The following MCF2L2 variants were observed in gnomAD, a reference collection of about 807,000 sequenced individuals.
The protein encoded by MCF2L2 is probable guanine nucleotide exchange factor MCF2L2.
Under a neutral mutation model 150.2 loss-of-function variants are expected in MCF2L2, and 102 were observed. The ratio of observed to expected loss-of-function variants is 0.68; its 90% CI spans 0.58 to 0.80. The LOEUF is 0.80. MCF2L2 is among the 30% of genes least tolerant of loss of function. The pLI, the probability that MCF2L2 is intolerant of heterozygous loss-of-function variation, is 0.00. For missense variants in MCF2L2, 1,256 were observed against 1,372.8 expected (o/e 0.91, Z 1.34); for synonymous variants, 465 against 491.3 (o/e 0.95, Z 0.71).
Position 183,341,624 on chromosome 3 carries a change from C to G in MCF2L2, c.282G>C (p.Glu94Asp), listed in dbSNP as rs1223005909. Residue 94 changes from glutamate to aspartate, a missense_variant, in exon 4 of 30, where the codon GAG (glutamate) becomes GAC (aspartate). Glu to Asp is a conservative substitution (Grantham distance 45). Transcript: ENST00000328913. ...CAACAATGAATCCAATGCTGGCAGC[C>G]TCCACACTGCAAAGAAGGGTGGTCA... ...MTYLTSIPSVEAASIGFIVVI... is the reference protein window; with the variant it reads ...MTYLTSIPSVDAASIGFIVVI... 1 of 1,613,348 alleles carries G rather than the reference C, an allele frequency of 6.2e-7. No individual in the cohort carries two copies. Among genetic ancestry groups the G allele is most frequent in the East Asian group, 2.2e-5 (1 of 44,876 alleles).
intron 12 of MCF2L2, chr3:183,296,636 T>C (rs1728520382): frequency 5.0e-6 from 1 of 200,660 alleles, no homozygotes; most frequent in Non-Finnish European, 1.0e-5. Flanking sequence ...ATTATTTTGT[T>C]AATGTCAGCC....
intron 1 of MCF2L2, among the ~76,000 whole-genome samples, chr3:183,415,932 T>C (rs1715564244): frequency 6.6e-6 from 1 of 152,144 alleles, no homozygotes; most frequent in Non-Finnish European, 1.5e-5. Flanking sequence ...GTTTTCTCTA[T>C]ATCTCATATT....
chr3:183,287,847 C>G (rs1727883393), intron 14 of MCF2L2: 1 of 152,224 alleles, frequency 6.6e-6, no homozygotes, highest in Admixed American at 6.5e-5. Context: ...CTAAAACTCA[C>G]TTTCTTCCGG....
chr3:183,301,943 T>C (rs1728870660), intron 10 of MCF2L2, among the ~76,000 whole-genome samples: 1 of 152,206 alleles, frequency 6.6e-6, no homozygotes, highest in South Asian at 2.1e-4. Context: ...TCATGATCCC[T>C]GAACTGTTTG....
chr3:183,352,454 C>G (rs1179743074), intron 3 of MCF2L2, among the ~76,000 whole-genome samples: 2 of 152,194 alleles, frequency 1.3e-5, no homozygotes, highest in African/African-American at 4.8e-5. Flanking sequence ...ACCCCAGAGG[C>G]AGAGGTTGCA....
At chr3:183,414,841 AT>A (rs1715505563) in intron 1 of MCF2L2, among the ~76,000 whole-genome samples, 1 of 152,106 alleles carries the variant, frequency 6.6e-6, no homozygotes, top group Non-Finnish European at 1.5e-5. Flanking sequence ...TAACTTTCAC[AT>A]TTTTGTGAAT....
At chr3:183,330,573 T>C (rs939111610) in intron 5 of MCF2L2, among the ~76,000 whole-genome samples, 1 of 152,120 alleles carries the variant, frequency 6.6e-6, no homozygotes, top group African/African-American at 2.4e-5. Context: ...TGTATCTTTA[T>C]TGTGGTGACT....
At chr3:183,409,101 T>C (rs1055303496) in intron 1 of MCF2L2, among the ~76,000 whole-genome samples, 6 of 152,258 alleles carry the variant, frequency 3.9e-5, no homozygotes, top group Admixed American at 1.3e-4. Context: ...TATTTCTGCA[T>C]GTTTAAAGAC....
intron 1 of MCF2L2, among the ~76,000 whole-genome samples, chr3:183,399,528 T>C (rs1388595306): frequency 6.6e-6 from 1 of 152,270 alleles, no homozygotes; most frequent in Non-Finnish European, 1.5e-5. Context: ...TGAGAACATC[T>C]GTCCTGCTGG....
At chr3:183,334,276 G>C (rs555036127) in intron 5 of MCF2L2, among the ~76,000 whole-genome samples, 1 of 152,318 alleles carries the variant, frequency 6.6e-6, no homozygotes, top group Admixed American at 6.5e-5. Flanking sequence ...ATACTAAAGA[G>C]AGATTGGACT....
At chr3:183,315,938 G>T (rs538251153) in intron 7 of MCF2L2, among the ~76,000 whole-genome samples, 2 of 152,222 alleles carry the variant, frequency 1.3e-5, no homozygotes, top group Admixed American at 1.3e-4. Context: ...TCTGCTCTTC[G>T]ACCTCTCCAC....
chr3:183,409,653 CAA>C (rs1715223974), intron 1 of MCF2L2, among the ~76,000 whole-genome samples: 1 of 147,614 alleles, frequency 6.8e-6, no homozygotes. Context: ...TTCCTGGGTT[CAA>C]GTGATTCTCC....
intron 3 of MCF2L2, among the ~76,000 whole-genome samples, chr3:183,356,633 T>C (rs547606445): frequency 6.6e-6 from 1 of 152,308 alleles, no homozygotes; most frequent in Admixed American, 6.5e-5. Flanking sequence ...TTTCCTCCCA[T>C]TCAAGTGCAA....
At chr3:183,195,373 A>C in intron 25 of MCF2L2, 118 bp from the exon 26 acceptor site, 1 of 683,058 alleles carries the variant, frequency 1.5e-6, no homozygotes, top group Non-Finnish European at 2.5e-6. Flanking sequence ...AAAATATATA[A>C]AGGTGTGTAG....
At chr3:183,395,699 A>G (rs1469985217) in intron 1 of MCF2L2, among the ~76,000 whole-genome samples, 1 of 152,070 alleles carries the variant, frequency 6.6e-6, no homozygotes, top group East Asian at 1.9e-4. Flanking sequence ...TGGGAGGATC[A>G]CCTGAGGTCA....
At position 183,179,926 on chromosome 3, in the gene MCF2L2, A is replaced by T. The variant is rs1222188676; in HGVS notation, c.3105+145T>A. The T allele has an allele frequency of 5.2e-6, 4 of 770,262 alleles. No homozygotes were observed. Among genetic ancestry groups the T allele is most frequent in the Non-Finnish European group, 8.9e-6 (4 of 448,952 alleles). 47.7% of individuals were successfully genotyped at this position (770,262 alleles called of 1,614,324 possible). A position where few individuals can be genotyped will look rare whatever the true frequency, so the allele number is the denominator to read the frequency against. On this transcript the variant is annotated intron_variant, in intron 28 of 29. Transcript: ENST00000328913. The surrounding 1 kb of genome is among the most constrained non-coding windows in gnomAD (Gnocchi z 4.2). ...TCAGAGCCAGTTTGAGGGTCTGGTG[A>T]CCTCGGCTCCCTGGCTTAACCAGGT...
chr3:183,387,930 T>TA (rs1262493089), intron 2 of MCF2L2, among the ~76,000 whole-genome samples: 1 of 43,806 alleles, frequency 2.3e-5, no homozygotes, highest in African/African-American at 7.5e-5. Flanking sequence ...AGACTCCATC[T>TA]CAAAAAAAAA....
chr3:183,365,892 A>T (rs553163142), intron 3 of MCF2L2, among the ~76,000 whole-genome samples: 140 of 152,258 alleles, frequency 9.2e-4, no homozygotes, highest in Non-Finnish European at 1.6e-3. Context: ...AGAATTCTTT[A>T]AAAAAATGAG....
At chr3:183,282,454 T>C (rs1372808769) in intron 14 of MCF2L2, among the ~76,000 whole-genome samples, 1 of 152,228 alleles carries the variant, frequency 6.6e-6, no homozygotes, top group African/African-American at 2.4e-5. Context: ...GGCAATAGTT[T>C]GTTTACAGGA....
Sources: allele counts gnomAD v4.1 joint callset (sites outside exome capture counted in the v4.1 genomes callset), GRCh38; gene constraint gnomAD v4.1.1; non-coding constraint Gnocchi (gnomAD v3.1); transcripts MANE v1.5; gene names NCBI Gene and HGNC (gene_info 2026-07-23, HGNC 2026-07-21).